Variants in TMEM108 observed in about 807,000 individuals in gnomAD.
TMEM108 encodes transmembrane protein 108.
Under a neutral mutation model 35.1 loss-of-function variants are expected in TMEM108, and 12 were observed. The observed-to-expected ratio is 0.34, with a 90% CI of 0.22 to 0.55. The LOEUF (loss-of-function observed/expected upper bound fraction) is 0.55. Among genes scored for constraint, TMEM108 ranks in the 20% least tolerant of loss-of-function variants. The probability of loss-of-function intolerance (pLI) is 0.89; values close to 1 mark genes in which losing one functional copy is unlikely to be tolerated. For synonymous variants in TMEM108, 287 were observed against 308.6 expected (o/e 0.93, Z 0.73); for missense variants, 680 against 753.3 (o/e 0.90, Z 1.14).
At chr3:133,083,700 A>G (rs1030021564) in intron 2 of TMEM108, among the ~76,000 whole-genome samples, 1 of 152,202 alleles carries the variant, frequency 6.6e-6, no homozygotes, top group African/African-American at 2.4e-5. Flanking sequence ...TCCAAAGACA[A>G]TGGTATTTCT....
chr3:133,177,618 G>A (rs142745138), intron 2 of TMEM108, among the ~76,000 whole-genome samples: 2,603 of 151,994 alleles, frequency 0.017, 96 homozygotes, highest in African/African-American at 0.059. Flanking sequence ...ATTCAACAAC[G>A]CTTCATGCTA....
intron 3 of TMEM108, among the ~76,000 whole-genome samples, chr3:133,336,383 T>G (rs1329347436): frequency 1.3e-5 from 2 of 152,062 alleles, no homozygotes; most frequent in Admixed American, 6.6e-5. Flanking sequence ...TTGTTTTGCC[T>G]CTTGGATACC....
chr3:133,256,025 A>C (rs145476820), intron 3 of TMEM108, among the ~76,000 whole-genome samples: 42 of 152,196 alleles, frequency 2.8e-4, no homozygotes, highest in Middle Eastern at 3.4e-3. Flanking sequence ...AACAACAAGA[A>C]CTGCATGCAT....
chr3:133,355,497 A>T (rs1266003259), intron 3 of TMEM108, among the ~76,000 whole-genome samples: 1 of 152,192 alleles, frequency 6.6e-6, no homozygotes. Flanking sequence ...AAAAGCCTTC[A>T]CAAAGATTTA....
intron 4 of TMEM108, chr3:133,389,305 C>T (rs111680599): frequency 9.1e-6 from 9 of 985,412 alleles, no homozygotes; most frequent in African/African-American, 7.0e-5. Flanking sequence ...ACACTGTGCT[C>T]AGTCAAGCTG....
chr3:133,060,928 C>T (rs1388685740), intron 2 of TMEM108, among the ~76,000 whole-genome samples: 1 of 152,170 alleles, frequency 6.6e-6, no homozygotes, highest in Non-Finnish European at 1.5e-5. Context: ...AATACTTATA[C>T]AGGTCAACTG....
intron 2 of TMEM108, among the ~76,000 whole-genome samples, chr3:133,153,247 G>T (rs1576348106): frequency 6.6e-6 from 1 of 151,950 alleles, no homozygotes; most frequent in South Asian, 2.1e-4. Flanking sequence ...AATTTCTTTG[G>T]AGCAGATAGA....
intron 5 of TMEM108, among the ~76,000 whole-genome samples, chr3:133,390,979 T>A (rs767759460): frequency 3.5e-4 from 53 of 152,288 alleles, no homozygotes; most frequent in Middle Eastern, 3.4e-3. Flanking sequence ...CCCAGGACTT[T>A]AACCACAGAA....
In TMEM108 at chr3:133,180,144, T is replaced by C. The variant is rs542449614; in HGVS notation, c.-46-49122T>C. 2.0e-5 allele frequency among the ~76,000 whole-genome samples: 3 copies of C among 152,278 alleles called. No homozygotes were observed. The East Asian group carries it at 5.8e-4, about 29-fold the overall frequency. On this transcript the variant is annotated intron_variant, in intron 2 of 5. Transcript: ENST00000321871. ...TTAAATAACATGTTCTTTTTTGCTC[T>C]TTTATCAAAAGGGAAAATTCTAGCT... is the stretch of plus-strand genomic sequence containing the variant.
intron 2 of TMEM108, among the ~76,000 whole-genome samples, chr3:133,222,571 T>G (rs1946008479): frequency 6.6e-6 from 1 of 152,062 alleles, no homozygotes; most frequent in Non-Finnish European, 1.5e-5. Context: ...TTCCTTTTTA[T>G]TATTTTTTTC....
At chr3:133,291,587 G>GTT (rs56345577) in intron 3 of TMEM108, among the ~76,000 whole-genome samples, 1 of 151,658 alleles carries the variant, frequency 6.6e-6, no homozygotes, top group Non-Finnish European at 1.5e-5. Context: ...CTACCAGTGA[G>GTT]TTTTTTTTAA....
At chr3:133,136,839 C>G (rs1944571016) in intron 2 of TMEM108, among the ~76,000 whole-genome samples, 1 of 152,178 alleles carries the variant, frequency 6.6e-6, no homozygotes, top group Admixed American at 6.5e-5. Flanking sequence ...GAAATAATTC[C>G]TAGCCTTTTG....
chr3:133,043,307 C>T (rs1943296282), intron 1 of TMEM108, among the ~76,000 whole-genome samples: 1 of 152,022 alleles, frequency 6.6e-6, no homozygotes, highest in Non-Finnish European at 1.5e-5. Context: ...GTCTGTGGCA[C>T]ACACACACAA....
At chr3:133,214,039 G>A in intron 2 of TMEM108, among the ~76,000 whole-genome samples, 1 of 152,182 alleles carries the variant, frequency 6.6e-6, no homozygotes, top group East Asian at 1.9e-4. Flanking sequence ...AATTAACAGA[G>A]ACAACTCTCT....
intron 2 of TMEM108, among the ~76,000 whole-genome samples, chr3:133,082,276 A>G (rs1277351358): frequency 2.0e-5 from 3 of 152,328 alleles, no homozygotes; most frequent in East Asian, 1.9e-4. Flanking sequence ...ATTCACAATG[A>G]TGGTGCATAA....
At chr3:133,365,933 G>A (rs1254974774) in intron 3 of TMEM108, among the ~76,000 whole-genome samples, 3 of 151,860 alleles carry the variant, frequency 2.0e-5, no homozygotes, top group Non-Finnish European at 2.9e-5. Context: ...GAAGTTTGCA[G>A]CTGGCAGAGT....
chr3:133,159,523 A>G (rs1166598272), intron 2 of TMEM108, among the ~76,000 whole-genome samples: 1 of 152,152 alleles, frequency 6.6e-6, no homozygotes, highest in Non-Finnish European at 1.5e-5. Flanking sequence ...AATTTTTTCC[A>G]GGAGCAGCAC....
intron 2 of TMEM108, among the ~76,000 whole-genome samples, chr3:133,089,066 G>A (rs1943916084): frequency 6.6e-6 from 1 of 151,496 alleles, no homozygotes; most frequent in Non-Finnish European, 1.5e-5. Context: ...AAGTGGGGGC[G>A]GTGTTATACA....
chr3:133,293,998 G>A (rs1685723060), intron 3 of TMEM108, among the ~76,000 whole-genome samples: 1 of 152,134 alleles, frequency 6.6e-6, no homozygotes. Flanking sequence ...GATAGACCAG[G>A]CTACTGTGCA....
Sources: allele counts gnomAD v4.1 joint callset (sites outside exome capture counted in the v4.1 genomes callset), GRCh38; gene constraint gnomAD v4.1.1; transcripts MANE v1.5; gene names NCBI Gene and HGNC (gene_info 2026-07-23, HGNC 2026-07-21).